The following MYO5A variants were observed in gnomAD, a reference collection of about 807,000 sequenced individuals.
MYO5A encodes the protein unconventional myosin-Va.
MYO5A carries 98 observed loss-of-function variants against 249.7 expected under a neutral mutation model. That is an observed-to-expected ratio of 0.39 (90% CI 0.33 to 0.46). MYO5A has a LOEUF of 0.46. Ranked by LOEUF, MYO5A falls within the 20% of genes least tolerant of loss-of-function variation. The pLI, the probability that MYO5A is intolerant of heterozygous loss-of-function variation, is 0.98. For missense variants in MYO5A, 1,696 were observed against 2,308.8 expected, an observed-to-expected ratio of 0.73 and a Z score of 5.44; for synonymous variants, 778 against 810.6, an observed-to-expected ratio of 0.96 and a Z score of 0.68.
intron 25 of MYO5A, among the ~76,000 whole-genome samples, chr15:52,357,462 A>G (rs1488832504): frequency 5.9e-5 from 9 of 151,544 alleles, no homozygotes; most frequent in Middle Eastern, 3.4e-3. Context: ...CAAAAAAAAA[A>G]AAAAAAGAAA....
intron 25 of MYO5A, among the ~76,000 whole-genome samples, chr15:52,357,848 C>A (rs971886431): frequency 6.6e-6 from 1 of 152,130 alleles, no homozygotes; most frequent in East Asian, 1.9e-4. Context: ...TCTAAGACAG[C>A]GAAGCTTTTT....
rs146846639 is a variant in MYO5A at position 52,330,035 on chromosome 15, A to C, written c.4555+318T>G. Among the ~76,000 whole-genome samples, 34 of 140,484 alleles carry C rather than the reference A, an allele frequency of 2.4e-4. 1 individual carries two copies. In the East Asian group the frequency reaches 6.9e-3, roughly 28 times the overall value. The allele number at this position is 140,484 out of a possible 152,430, so 92.2% of individuals were successfully genotyped here. On this transcript the variant is annotated intron_variant, in intron 35 of 41. Transcript: ENST00000399233. Reference sequence around the variant, plus strand: ...TAGACATTGCCAGGCTCTTCTCTCTAGAGATTTTGATTTAACTGGGCAAGA... The same window carrying C: ...TAGACATTGCCAGGCTCTTCTCTCTCGAGATTTTGATTTAACTGGGCAAGA...
At chr15:52,408,558 G>A (rs948859635) in intron 6 of MYO5A, among the ~76,000 whole-genome samples, 3 of 152,030 alleles carry the variant, frequency 2.0e-5, no homozygotes, top group South Asian at 2.1e-4. Flanking sequence ...ATTGTAGACT[G>A]GACCATCTAC....
chr15:52,421,725 G>C (rs965896074), intron 4 of MYO5A, among the ~76,000 whole-genome samples: 1 of 152,126 alleles, frequency 6.6e-6, no homozygotes, highest in Admixed American at 6.5e-5. Context: ...CAAACATAAA[G>C]ATAACAAATG....
At chr15:52,457,785 G>C (rs1455046948) in intron 1 of MYO5A, among the ~76,000 whole-genome samples, 1 of 152,136 alleles carries the variant, frequency 6.6e-6, no homozygotes, top group African/African-American at 2.4e-5. Context: ...AAGGAAATCA[G>C]TATGTCAAAA....
chr15:52,357,653 T>G (rs528358754), intron 25 of MYO5A, among the ~76,000 whole-genome samples: 1 of 151,990 alleles, frequency 6.6e-6, no homozygotes, highest in East Asian at 1.9e-4. Context: ...TATTTAAGAG[T>G]GCTCCCGATG....
intron 1 of MYO5A, among the ~76,000 whole-genome samples, chr15:52,467,157 A>G (rs2076370116): frequency 6.6e-6 from 1 of 152,346 alleles, no homozygotes; most frequent in East Asian, 1.9e-4. Flanking sequence ...GGAACAAAAT[A>G]ATTATTTGGC....
chr15:52,320,281 A>T (rs1255825424), intron 38 of MYO5A, among the ~76,000 whole-genome samples: 1 of 152,228 alleles, frequency 6.6e-6, no homozygotes, highest in Non-Finnish European at 1.5e-5. Flanking sequence ...TTGAGAGCAA[A>T]GGCCACGTCT....
At chr15:52,331,772 TGG>T in intron 34 of MYO5A, 1 of 985,378 alleles carries the variant, frequency 1.0e-6, no homozygotes, top group Non-Finnish European at 1.2e-6. Context: ...CAGCACACAC[TGG>T]GACTATCAGC....
intron 33 of MYO5A, 109 bp downstream of exon 33, chr15:52,337,701 A>T: frequency 1.3e-6 from 1 of 759,104 alleles, no homozygotes; most frequent in Non-Finnish European, 2.1e-6. Context: ...GTTTCGTGAA[A>T]ATTTTGAAGA....
rs2077565437 is a variant in MYO5A, at chr15:52,519,379, T to G, written c.27+9401A>C. 4.6e-5 allele frequency among the ~76,000 whole-genome samples: 7 copies of G among 152,060 alleles called. 1 individual carries two copies. In the South Asian group the frequency reaches 1.5e-3, roughly 32 times the overall value. On this transcript the variant is annotated intron_variant, in intron 1 of 41. Transcript: ENST00000399233. The stretch of plus-strand genomic sequence containing the variant: ...TATAATCTCAGCACTTTTGGGATAA[T>G]TAAGTGGGAGATTGCTTGAAGCCAA...
intron 1 of MYO5A, among the ~76,000 whole-genome samples, chr15:52,470,420 G>A (rs1374437016): frequency 6.6e-6 from 1 of 152,144 alleles, no homozygotes; most frequent in African/African-American, 2.4e-5. Flanking sequence ...GGGAGGCCGA[G>A]GCAGGCAGAT....
chr15:52,459,147 A>ATTTTT lies in MYO5A; in HGVS notation c.28-25867_28-25863dup, dbSNP rs531798708. Among the ~76,000 whole-genome samples, 8 of 64,286 alleles carry ATTTTT rather than the reference A, an allele frequency of 1.2e-4. 1 individual carries two copies. Among genetic ancestry groups the ATTTTT allele is most frequent in the African/African-American group, 3.0e-4 (6 of 19,944 alleles). The allele number at this position is 64,286 out of a possible 152,430, so 42.2% of individuals were successfully genotyped here. A position where few individuals can be genotyped will look rare whatever the true frequency, so the allele number is the denominator to read the frequency against. ...CCTGAGTAGCTGGGATTTTCCAGAA[A>ATTTTT]TTTTTTTTTTTTTTTTTTTTTTTTT... is the stretch of plus-strand genomic sequence containing the variant. On this transcript the variant is annotated intron_variant, in intron 1 of 41. Coordinates refer to ENST00000399233, the MANE Select transcript of MYO5A (RefSeq NM_001382347.1).
chr15:52,411,915 T>A (rs900958361), intron 5 of MYO5A, among the ~76,000 whole-genome samples: 1 of 152,228 alleles, frequency 6.6e-6, no homozygotes, highest in Non-Finnish European at 1.5e-5. Context: ...AATATCTTCC[T>A]GGCAAAATTA....
At chr15:52,512,561 C>G (rs2077414085) in intron 1 of MYO5A, among the ~76,000 whole-genome samples, 1 of 151,924 alleles carries the variant, frequency 6.6e-6, no homozygotes, top group Non-Finnish European at 1.5e-5. Context: ...GGACATACAT[C>G]AAAACATTAA....
intron 37 of MYO5A, among the ~76,000 whole-genome samples, chr15:52,322,562 C>T (rs1275431402): frequency 6.6e-6 from 1 of 152,210 alleles, no homozygotes; most frequent in African/African-American, 2.4e-5. Context: ...CACAGAGATG[C>T]TGTAAGAATT....
chr15:52,315,633 C>A (rs956807826), intron 40 of MYO5A, among the ~76,000 whole-genome samples: 11 of 150,700 alleles, frequency 7.3e-5, no homozygotes, highest in Non-Finnish European at 1.5e-4. Flanking sequence ...CTCAGCCTCC[C>A]AAAGTGCTGG....
Position 52,405,515 on chromosome 15 carries a change from T to C in MYO5A, c.947-122A>G, listed in dbSNP as rs1669876. ...TTGCCAGATGTTGTGCATATTATAA[T>C]GTGTCATAGCTAACAACACTTTCAT... On this transcript the variant is annotated intron_variant, in intron 8 of 41. Transcript: ENST00000399233. 0.067 allele frequency: 50,973 copies of C among 760,884 alleles called. 2,175 individuals are homozygous for C. Among genetic ancestry groups the C allele is most frequent in the South Asian group, 0.14 (9,451 of 67,948 alleles). 47.1% of individuals were successfully genotyped at this position (760,884 alleles called of 1,614,324 possible).
chr15:52,320,677 T>C (rs948695380), intron 38 of MYO5A, among the ~76,000 whole-genome samples: 26 of 151,790 alleles, frequency 1.7e-4, no homozygotes, highest in African/African-American at 5.8e-4. Context: ...ACATGGAAAA[T>C]GCATGCATGG....
Sources: allele counts gnomAD v4.1 joint callset (sites outside exome capture counted in the v4.1 genomes callset), GRCh38; gene constraint gnomAD v4.1.1; transcripts MANE v1.5; gene names NCBI Gene and HGNC (gene_info 2026-07-23, HGNC 2026-07-21).